SMOC2: variants seen among roughly 807,000 people sequenced by gnomAD.
The protein encoded by SMOC2 is SPARC related modular calcium binding 2.
A neutral mutation model predicts 61.4 loss-of-function variants in SMOC2; 39 were observed. The observed-to-expected ratio is 0.64, with a 90% CI of 0.49 to 0.83. The LOEUF is 0.83. Among genes scored for constraint, SMOC2 ranks in the 40% least tolerant of loss-of-function variants. The pLI, the probability that SMOC2 is intolerant of heterozygous loss-of-function variation, is 0.00. For synonymous variants in SMOC2, 247 were observed against 239.9 expected (o/e 1.03, Z -0.27); for missense variants, 556 against 592.9 (o/e 0.94, Z 0.65).
At chr6:168,602,155 C>A (rs1236919616) in intron 8 of SMOC2, among the ~76,000 whole-genome samples, 2 of 152,156 alleles carry the variant, frequency 1.3e-5, no homozygotes, top group Non-Finnish European at 2.9e-5. Context: ...TTACACTCTT[C>A]CAGGGGGGTG....
chr6:168,486,134 T>C (rs1782327840), intron 1 of SMOC2, among the ~76,000 whole-genome samples: 1 of 152,210 alleles, frequency 6.6e-6, no homozygotes, highest in Non-Finnish European at 1.5e-5. Context: ...TTAGTGTCCC[T>C]GGTTCAGCAT....
chr6:168,522,761 CATG>C (rs1356368568), intron 2 of SMOC2, among the ~76,000 whole-genome samples: 2 of 152,180 alleles, frequency 1.3e-5, no homozygotes, highest in African/African-American at 4.8e-5. Flanking sequence ...AGCATACATA[CATG>C]AACCGTGAAA....
intron 7 of SMOC2, among the ~76,000 whole-genome samples, chr6:168,597,349 CAATT>C (rs1353227694): frequency 6.6e-6 from 1 of 152,194 alleles, no homozygotes; most frequent in East Asian, 1.9e-4. Context: ...AATACCATCA[CAATT>C]ATTTATTATC....
chr6:168,513,731 G>A (rs1282873894), intron 2 of SMOC2, among the ~76,000 whole-genome samples: 5 of 152,184 alleles, frequency 3.3e-5, no homozygotes, highest in African/African-American at 1.2e-4. Context: ...AGTCCATGCT[G>A]TTCTCCATCA....
At chr6:168,464,175 A>G (rs568173934) in intron 1 of SMOC2, among the ~76,000 whole-genome samples, 1 of 131,316 alleles carries the variant, frequency 7.6e-6, no homozygotes, top group African/African-American at 3.0e-5. Context: ...TGGGCAACAG[A>G]GCAAGACTGT....
intron 6 of SMOC2, among the ~76,000 whole-genome samples, chr6:168,548,060 A>G (rs953298574): frequency 1.6e-4 from 25 of 152,238 alleles, no homozygotes; most frequent in African/African-American, 5.8e-4. Context: ...ACCGGGGTTT[A>G]AGGGCAAAGT....
intron 4 of SMOC2, among the ~76,000 whole-genome samples, chr6:168,536,970 G>A (rs960770343): frequency 2.0e-5 from 3 of 152,202 alleles, no homozygotes; most frequent in African/African-American, 4.8e-5. Context: ...GCAGGGTCGG[G>A]GCTCCTGCCA....
chr6:168,450,662 G>C (rs1326409430), intron 1 of SMOC2, among the ~76,000 whole-genome samples: 1 of 152,106 alleles, frequency 6.6e-6, no homozygotes, highest in African/African-American at 2.4e-5. Flanking sequence ...GAATGATCTC[G>C]GGCCCTGACA....
At chr6:168,529,891 G>A (rs548510450) in intron 4 of SMOC2, among the ~76,000 whole-genome samples, 45 of 152,326 alleles carry the variant, frequency 3.0e-4, no homozygotes, top group African/African-American at 1.0e-3. Context: ...ATCTGTAGGC[G>A]CCAGGGAGCT....
intron 1 of SMOC2, among the ~76,000 whole-genome samples, chr6:168,462,121 C>T (rs2115004057): frequency 6.6e-6 from 1 of 152,202 alleles, no homozygotes. Flanking sequence ...CTTTCCCCAT[C>T]CTGCCCATCC....
intron 1 of SMOC2, among the ~76,000 whole-genome samples, chr6:168,484,475 G>A (rs943158871): frequency 3.9e-5 from 6 of 152,140 alleles, no homozygotes; most frequent in African/African-American, 9.7e-5. Flanking sequence ...AAATTGGAAC[G>A]TTTGTGCACT....
At chr6:168,579,255 A>AT (rs5881798) in intron 7 of SMOC2, among the ~76,000 whole-genome samples, 53,545 of 152,028 alleles carry the variant, frequency 0.35, 9,533 homozygotes, top group Middle Eastern at 0.42. Flanking sequence ...TCTCATCTTA[A>AT]TTTTTTAAAG....
intron 1 of SMOC2, among the ~76,000 whole-genome samples, chr6:168,507,033 G>C (rs1782886853): frequency 6.6e-6 from 1 of 152,172 alleles, no homozygotes; most frequent in Non-Finnish European, 1.5e-5. Flanking sequence ...TCTTATCCCT[G>C]AGAAATAACA....
At chr6:168,587,613 G>T (rs1785073510) in intron 7 of SMOC2, among the ~76,000 whole-genome samples, 1 of 152,212 alleles carries the variant, frequency 6.6e-6, no homozygotes, top group African/African-American at 2.4e-5. Flanking sequence ...TTCCGCCCTA[G>T]TCTGGCTCAG....
At chr6:168,499,315 T>C (rs578099269) in intron 1 of SMOC2, among the ~76,000 whole-genome samples, 1 of 152,384 alleles carries the variant, frequency 6.6e-6, no homozygotes, top group East Asian at 1.9e-4. Context: ...CAACGTGTGC[T>C]TCATACTTAC....
intron 1 of SMOC2, among the ~76,000 whole-genome samples, chr6:168,491,131 C>G (rs1782464367): frequency 6.6e-6 from 1 of 152,204 alleles, no homozygotes; most frequent in Non-Finnish European, 1.5e-5. Flanking sequence ...TCTGCATCAT[C>G]TCATGCAAAT....
chr6:168,527,657 C>T lies in SMOC2; in HGVS notation c.393C>T (p.Cys131=). The part of the protein sequence containing the change: ...QVQCHSYTGY[C]WCVTPNGRPI... ...AGTGTCACAGCTACACGGGATACTG[C>T]TGGTGCGTCACGCCCAACGGGAGGC... The change falls in exon 4 of 13, where the codon TGC becomes TGT. Residue 131 remains cysteine, a synonymous_variant. Transcript: ENST00000356284. The T allele has an allele frequency of 6.4e-7, 1 of 1,552,220 alleles. No homozygotes were observed. The highest frequency in any genetic ancestry group is 2.4e-5 in the East Asian group (1 of 41,124).
intron 7 of SMOC2, among the ~76,000 whole-genome samples, chr6:168,580,381 G>A (rs113894633): frequency 2.0e-5 from 3 of 152,282 alleles, no homozygotes; most frequent in African/African-American, 4.8e-5. Context: ...CTCAGACGCC[G>A]AGGCTGGGAG....
rs77284339 is a variant in SMOC2 at position 168,628,306 on chromosome 6, C to G, written c.907+20067C>G. Among the ~76,000 whole-genome samples the G allele has an allele frequency of 5.8e-3, 887 of 152,264 alleles. 10 individuals are homozygous for G. Among genetic ancestry groups the G allele is most frequent in the African/African-American group, 0.021 (859 of 41,518 alleles). On this transcript the variant is annotated intron_variant, in intron 9 of 12. Transcript: ENST00000356284. ...CCGTTGTCCTCTGTGTGGCTACCTC[C>G]CAAATAAAAACCGAGGGCTGGAGAA...
Sources: gnomAD v4.1 joint callset for allele counts (sites outside exome capture counted in the v4.1 genomes callset) on GRCh38, gnomAD v4.1.1 for gene constraint, MANE v1.5 for transcripts, NCBI Gene and HGNC (gene_info 2026-07-23, HGNC 2026-07-21) for gene names.